The following ZMYM4 variants were observed in gnomAD, a reference collection of about 807,000 sequenced individuals.
ZMYM4 encodes the protein zinc finger MYM-type containing 4.
In ZMYM4, 31 loss-of-function variants were observed where a neutral mutation model predicts 183.2. The observed-to-expected ratio is 0.17, with a 90% CI of 0.13 to 0.23. The LOEUF (loss-of-function observed/expected upper bound fraction) is 0.23. ZMYM4 is among the 10% of genes least tolerant of loss of function. The pLI is 1.00. For synonymous variants in ZMYM4, 592 were observed against 631.2 expected, an observed-to-expected ratio of 0.94 and a Z score of 0.93; for missense variants, 1,273 against 1,840.3, an observed-to-expected ratio of 0.69 and a Z score of 5.64.
chr1:35,319,790 T>C (rs750618655), intron 1 of ZMYM4, among the ~76,000 whole-genome samples: 3 of 152,242 alleles, frequency 2.0e-5, no homozygotes, highest in Middle Eastern at 6.8e-3. Context: ...AGGAATAGGA[T>C]TGGACATTTG....
At chr1:35,320,914 C>T (rs1205006923) in intron 1 of ZMYM4, among the ~76,000 whole-genome samples, 1 of 152,032 alleles carries the variant, frequency 6.6e-6, no homozygotes, top group Non-Finnish European at 1.5e-5. Context: ...TTTATAGAAT[C>T]TTGATTTCAT....
At chr1:35,363,046 C>G (rs546721186) in intron 5 of ZMYM4, among the ~76,000 whole-genome samples, 45 of 152,314 alleles carry the variant, frequency 3.0e-4, no homozygotes, top group Admixed American at 1.0e-3. Context: ...GTGGCGGGTG[C>G]CTGTAATTCC....
intron 9 of ZMYM4, among the ~76,000 whole-genome samples, chr1:35,383,018 C>T (rs1031681084): frequency 3.3e-5 from 5 of 151,978 alleles, no homozygotes; most frequent in African/African-American, 1.2e-4. Context: ...TTAATTGTTA[C>T]AGTAAGGGAT....
chr1:35,407,906 C>A, intron 25 of ZMYM4, 102 bp from the exon 26 acceptor site: 1 of 1,455,384 alleles, frequency 6.9e-7, no homozygotes, highest in South Asian at 1.3e-5. Context: ...TAGTCTGCAC[C>A]GCAGTGCCTG....
At chr1:35,304,442 G>C (rs1016094335) in intron 1 of ZMYM4, among the ~76,000 whole-genome samples, 2 of 151,116 alleles carry the variant, frequency 1.3e-5, no homozygotes, top group Admixed American at 1.3e-4. Context: ...TATTATTTCA[G>C]TTATTTGATT....
At chr1:35,356,115 T>C (rs1453063910) in intron 2 of ZMYM4, among the ~76,000 whole-genome samples, 2 of 152,014 alleles carry the variant, frequency 1.3e-5, no homozygotes, top group African/African-American at 4.8e-5. Context: ...GAGGCTGAGG[T>C]AGGAGGATTG....
intron 1 of ZMYM4, among the ~76,000 whole-genome samples, chr1:35,294,353 A>G (rs1220410457): frequency 1.3e-5 from 2 of 152,168 alleles, no homozygotes; most frequent in Non-Finnish European, 2.9e-5. Flanking sequence ...GTTCCATAAA[A>G]TTAATTAAAA....
Position 35,268,880 on chromosome 1 carries a change from C to T in ZMYM4, c.-167C>T, listed in dbSNP as rs1019788209. ...ACCCGTGGGATCTCAGAAGCTGCGG[C>T]CCGGCGCGCGGCATCCGCCCCCTCC... On this transcript the variant is annotated 5_prime_UTR_variant, in exon 1 of 30. Coordinates refer to ENST00000314607, the MANE Select transcript of ZMYM4 (RefSeq NM_005095.3). The T allele has an allele frequency of 7.4e-6, 5 of 677,822 alleles. No individual in the cohort carries two copies. Among genetic ancestry groups the T allele is most frequent in the African/African-American group, 5.7e-5 (3 of 52,854 alleles). The allele number at this position is 677,822 out of a possible 1,614,324, so 42.0% of individuals were successfully genotyped here. A position where few individuals can be genotyped will look rare whatever the true frequency, so the allele number is the denominator to read the frequency against.
intron 5 of ZMYM4, chr1:35,365,819 ATTTG>A (rs1480992304): frequency 3.3e-5 from 5 of 152,186 alleles, no homozygotes; most frequent in Non-Finnish European, 5.9e-5. Context: ...CTACTCATTG[ATTTG>A]TTTATCAAAT....
chr1:35,306,544 T>G, intron 1 of ZMYM4, among the ~76,000 whole-genome samples: 1 of 152,206 alleles, frequency 6.6e-6, no homozygotes, highest in Non-Finnish European at 1.5e-5. Context: ...TGGTCTTTAC[T>G]TACTTTTTAA....
At chr1:35,351,627 G>A in intron 2 of ZMYM4, 2 of 613,070 alleles carry the variant, frequency 3.3e-6, no homozygotes, top group East Asian at 5.3e-5. Flanking sequence ...TTTTCTATGA[G>A]GATTTTTCAG....
rs1470993376 is a variant in ZMYM4 at position 35,280,290 on chromosome 1, C to T, written c.39+11205C>T. 2.7e-5 allele frequency among the ~76,000 whole-genome samples: 4 copies of T among 148,856 alleles called. No individual in the cohort carries two copies. In the East Asian group the frequency reaches 6.3e-4, roughly 23 times the overall value. On this transcript the variant is annotated intron_variant, in intron 1 of 29. Coordinates refer to ENST00000314607, the MANE Select transcript of ZMYM4 (RefSeq NM_005095.3). Reference sequence around the variant, plus strand: ...TCTCTCTCTCTCTCTCCCTCTCTCTCTCTTCTTTCTTTGTTTAAAAGTTTT... The same window carrying T: ...TCTCTCTCTCTCTCTCCCTCTCTCTTTCTTCTTTCTTTGTTTAAAAGTTTT...
At chr1:35,373,185 T>C (rs1644251946) in intron 7 of ZMYM4, among the ~76,000 whole-genome samples, 2 of 151,376 alleles carry the variant, frequency 1.3e-5, no homozygotes. Context: ...AATTATGTTG[T>C]ACACATAGTA....
At position 35,355,200 on chromosome 1, in the gene ZMYM4, C is replaced by CTTTTTTTTTT. The variant is rs1013941289; in HGVS notation, c.86-3707_86-3698dup. Among the ~76,000 whole-genome samples, 167 of 77,178 alleles carry CTTTTTTTTTT rather than the reference C, an allele frequency of 2.2e-3. 18 individuals carry two copies. The East Asian group carries it at 0.029, about 13-fold the overall frequency. The allele number at this position is 77,178 out of a possible 152,430, so 50.6% of individuals were successfully genotyped here. On this transcript the variant is annotated intron_variant, in intron 2 of 29. Transcript: ENST00000314607. ...AGGTGCCCGTCACCACGCCTGGCTTCTTTTTTTTTTTTTTTTTTTTTTTTT... is the reference window on the plus strand; with the variant it reads ...AGGTGCCCGTCACCACGCCTGGCTTCTTTTTTTTTTTTTTTTTTTTTTTTTTTTTTTTTTT...
At chr1:35,304,038 T>C (rs576442669) in intron 1 of ZMYM4, among the ~76,000 whole-genome samples, 34 of 152,272 alleles carry the variant, frequency 2.2e-4, no homozygotes, top group African/African-American at 7.0e-4. Flanking sequence ...TTCTTTTTTT[T>C]TTTTGAAACG....
intron 22 of ZMYM4, among the ~76,000 whole-genome samples, 165 bp downstream of exon 22, chr1:35,399,208 AT>A (rs1644859798): frequency 6.6e-6 from 1 of 152,212 alleles, no homozygotes; most frequent in South Asian, 2.1e-4. Context: ...GTAGGTGTTA[AT>A]TCGTACCATA....
chr1:35,364,807 T>C (rs1316986386), intron 5 of ZMYM4, among the ~76,000 whole-genome samples: 9 of 152,224 alleles, frequency 5.9e-5, no homozygotes, highest in Admixed American at 5.9e-4. Context: ...TTCCTAATTC[T>C]CTTTTTTACA....
chr1:35,309,013 T>C, intron 1 of ZMYM4: 4 of 985,296 alleles, frequency 4.1e-6, no homozygotes, highest in Non-Finnish European at 4.8e-6. Context: ...TGACAGAAAA[T>C]GGAAGACATG....
At chr1:35,357,344 A>C (rs1643858259) in intron 2 of ZMYM4, among the ~76,000 whole-genome samples, 1 of 152,248 alleles carries the variant, frequency 6.6e-6, no homozygotes, top group South Asian at 2.1e-4. Flanking sequence ...CTTCAGGAAC[A>C]AATAAGAGCA....
Sources: gnomAD v4.1 joint callset for allele counts (sites outside exome capture counted in the v4.1 genomes callset) on GRCh38, gnomAD v4.1.1 for gene constraint, MANE v1.5 for transcripts, NCBI Gene and HGNC (gene_info 2026-07-23, HGNC 2026-07-21) for gene names.